MYEF2: variants seen among roughly 807,000 people sequenced by gnomAD.
The protein encoded by MYEF2 is myelin expression factor 2.
MYEF2 carries 37 observed loss-of-function variants against 75.2 expected under a neutral mutation model. The observed-to-expected ratio is 0.49, with a 90% CI of 0.38 to 0.65. MYEF2 has a LOEUF of 0.65. Ranked by LOEUF, MYEF2 falls within the 30% of genes least tolerant of loss-of-function variation. MYEF2 has a pLI of 0.00. For synonymous variants in MYEF2, 195 were observed against 241.6 expected (o/e 0.81, Z 1.79); for missense variants, 634 against 771.4 (o/e 0.82, Z 2.11).
chr15:48,167,476 C>G, intron 2 of MYEF2, 75 bp from the exon 3 acceptor site: 20 of 1,319,384 alleles, frequency 1.5e-5, no homozygotes, highest in Non-Finnish European at 2.0e-5. Flanking sequence ...TACTGCACAC[C>G]TGTGCACAAC....
chr15:48,159,069 T>A (rs2140883880), intron 6 of MYEF2, 147 bp from the exon 7 acceptor site: 2 of 697,930 alleles, frequency 2.9e-6, no homozygotes, highest in East Asian at 2.8e-5. Context: ...TTTTAAAACA[T>A]CTTCAGTTGC....
At position 48,149,413 on chromosome 15, in the gene MYEF2, G is replaced by A. The variant is rs190353587; in HGVS notation, c.1379-42C>T. 1.9e-6 allele frequency: 3 copies of A among 1,590,678 alleles called. No homozygotes were observed. The highest frequency in any genetic ancestry group is 3.4e-5 in the Admixed American group (2 of 59,472). The stretch of plus-strand genomic sequence containing the variant: ...GGACGGGGGGATTTGGGAATTTTGT[G>A]TTTTTGTTTCAAAAACATAAGGAAA... On this transcript the variant is annotated intron_variant, in intron 14 of 16. Coordinates refer to ENST00000324324, the MANE Select transcript of MYEF2 (RefSeq NM_016132.5). The surrounding 1 kb of genome is among the most constrained non-coding windows in gnomAD (Gnocchi z 4.0).
intron 5 of MYEF2, 84 bp from the exon 6 acceptor site, chr15:48,159,888 G>C: frequency 7.3e-7 from 1 of 1,370,838 alleles, no homozygotes; most frequent in Non-Finnish European, 1.0e-6. Flanking sequence ...TTCTACAGTA[G>C]CTATCCTGTC....
rs771122735 is a variant in MYEF2, at chr15:48,168,688, T to C, written c.313A>G (p.Ser105Gly). ...KGPNRNRVFI[S>G]NIPYDMKWQA... The stretch of plus-strand genomic sequence containing the variant: ...CATTTCATGTCATATGGGATGTTGC[T>C]AATGAAAACTCTGTTACGATTTGGA... The change falls in exon 2 of 17, where the codon AGC (serine) becomes GGC (glycine). Residue 105 changes from serine to glycine, a missense_variant. Ser to Gly is a moderately conservative substitution (Grantham distance 56). Transcript: ENST00000324324. The C allele has an allele frequency of 6.2e-7, 1 of 1,613,992 alleles. No individual in the cohort carries two copies. The highest frequency in any genetic ancestry group is 8.5e-7 in the Non-Finnish European group (1 of 1,179,886).
chr15:48,141,591 AC>A lies in MYEF2; in HGVS notation c.*1316del. 6.4e-6 allele frequency: 1 copy of A among 155,128 alleles called. No individual in the cohort carries two copies. The highest frequency in any genetic ancestry group is 1.4e-5 in the Non-Finnish European group (1 of 72,984). The allele number at this position is 155,128 out of a possible 1,614,324, so 9.6% of individuals were successfully genotyped here. On this transcript the variant is annotated 3_prime_UTR_variant, in exon 17 of 17. Transcript: ENST00000324324. Reference sequence around the variant, plus strand: ...CGAGACTGTGTCTCAAAAAACAAAAACCAAAAAAAAAAAAAAAAGTTTACTT... The same window carrying A: ...CGAGACTGTGTCTCAAAAAACAAAAACAAAAAAAAAAAAAAAAGTTTACTT...
intron 5 of MYEF2, among the ~76,000 whole-genome samples, chr15:48,160,837 A>G (rs961274292): frequency 6.6e-6 from 1 of 151,282 alleles, no homozygotes; most frequent in Non-Finnish European, 1.5e-5. Flanking sequence ...TCTGGCTTGC[A>G]ACATATTTCT....
chr15:48,136,498 A>T lies in MYEF2; in HGVS notation c.*6410T>A. ...AACAACACAGAAGTGTCCAGCTTTT[A>T]TCAATAAACATAATAATGCTGTAAT... On this transcript the variant is annotated 3_prime_UTR_variant, in exon 17 of 17. Coordinates refer to ENST00000324324, the MANE Select transcript of MYEF2 (RefSeq NM_016132.5). 2.1e-6 allele frequency: 1 copy of T among 474,022 alleles called. No individual in the cohort carries two copies. The highest frequency in any genetic ancestry group is 3.6e-6 in the Non-Finnish European group (1 of 281,466). The allele number at this position is 474,022 out of a possible 1,614,324, so 29.4% of individuals were successfully genotyped here.
chr15:48,138,903 A>C lies in MYEF2; in HGVS notation c.*4005T>G. On this transcript the variant is annotated 3_prime_UTR_variant, in exon 17 of 17. Coordinates refer to ENST00000324324, the MANE Select transcript of MYEF2 (RefSeq NM_016132.5). Reference sequence around the variant, plus strand: ...TAATTTATTTCAATATAACTTTCTAAATAGGCATTTCTAACTTAATTAGCC... The same window carrying C: ...TAATTTATTTCAATATAACTTTCTACATAGGCATTTCTAACTTAATTAGCC... 8.4e-7 allele frequency: 1 copy of C among 1,194,334 alleles called. No individual in the cohort carries two copies. The highest frequency in any genetic ancestry group is 1.2e-6 in the Non-Finnish European group (1 of 832,238). 74.0% of individuals were successfully genotyped at this position (1,194,334 alleles called of 1,614,324 possible).
intron 12 of MYEF2, 114 bp downstream of exon 12, chr15:48,151,760 C>T: frequency 7.8e-7 from 1 of 1,276,282 alleles, no homozygotes; most frequent in Non-Finnish European, 1.1e-6. Flanking sequence ...TCCCCTAGTG[C>T]CTATATGCCT....
chr15:48,168,958 C>A (rs1597350938), intron 1 of MYEF2, 119 bp from the exon 2 acceptor site: 1 of 726,982 alleles, frequency 1.4e-6, no homozygotes, highest in East Asian at 2.7e-5. Context: ...CTAAGCTAGA[C>A]CTCAGCAAAG....
intron 1 of MYEF2, among the ~76,000 whole-genome samples, chr15:48,170,352 C>G (rs920656717): frequency 6.6e-6 from 1 of 152,078 alleles, no homozygotes; most frequent in Non-Finnish European, 1.5e-5. Flanking sequence ...TCTCAAACTC[C>G]TGACCTCTGG....
Position 48,149,293 on chromosome 15 carries a change from C to G in MYEF2, c.1457G>C (p.Arg486Thr). The change falls in exon 15 of 17, where the codon AGA (arginine) becomes ACA (threonine). Residue 486 changes from arginine (R) to threonine (T), a missense_variant. Transcript: ENST00000324324. This position sits in a 1 kb window ranked among gnomAD's most constrained non-coding sequence, Gnocchi z 4.0. ...TATAGCTCCTATACCTGGTCCCATTCTATCAAAGCTGGAACTCATCCGGTC... is the reference window on the plus strand; with the variant it reads ...TATAGCTCCTATACCTGGTCCCATTGTATCAAAGCTGGAACTCATCCGGTC... ...GLDRMSSSFD[R>T]MGPGIGAILE... is the part of the protein sequence containing the mutation. 6.2e-7 allele frequency: 1 copy of G among 1,613,270 alleles called. No individual in the cohort carries two copies. The highest frequency in any genetic ancestry group is 8.5e-7 in the Non-Finnish European group (1 of 1,179,446).
chr15:48,143,663 C>T (rs548770553), intron 16 of MYEF2, among the ~76,000 whole-genome samples: 66 of 151,762 alleles, frequency 4.3e-4, no homozygotes, highest in African/African-American at 1.5e-3. Context: ...AAATATGCTA[C>T]GGAAATAGTC....
chr15:48,163,971 C>T (rs1352437008), intron 5 of MYEF2, among the ~76,000 whole-genome samples: 1 of 152,124 alleles, frequency 6.6e-6, no homozygotes, highest in Non-Finnish European at 1.5e-5. Flanking sequence ...AGAAGATATA[C>T]AAGAAGACTA....
intron 3 of MYEF2, 29 bp downstream of exon 3, chr15:48,167,320 T>G (rs1567270221): frequency 6.2e-7 from 1 of 1,609,966 alleles, no homozygotes; most frequent in Non-Finnish European, 8.5e-7. Flanking sequence ...CTTTTAAACC[T>G]CAAGCAGATT....
chr15:48,151,991 G>A, intron 11 of MYEF2, 49 bp from the exon 12 acceptor site: 1 of 1,563,482 alleles, frequency 6.4e-7, no homozygotes, highest in South Asian at 1.1e-5. Flanking sequence ...TCATGTAGCT[G>A]AAAGGTACGT....
rs370304544 is a variant in MYEF2, at chr15:48,143,080, T to C, written c.1640-9A>G. On this transcript the variant is annotated splice_polypyrimidine_tract_variant and intron_variant, in intron 16 of 16. Coordinates refer to ENST00000324324, the MANE Select transcript of MYEF2 (RefSeq NM_016132.5). The stretch of plus-strand genomic sequence containing the variant: ...TGCAAACATTACATGACCTGTAAAA[T>C]AAAAGTTACAGAATTACTAGTCAGT... The C allele has an allele frequency of 6.7e-7, 1 of 1,501,580 alleles. No individual in the cohort carries two copies. The highest frequency in any genetic ancestry group is 8.9e-7 in the Non-Finnish European group (1 of 1,127,000). The allele number at this position is 1,501,580 out of a possible 1,614,324, so 93.0% of individuals were successfully genotyped here.
intron 5 of MYEF2, 93 bp from the exon 6 acceptor site, chr15:48,159,897 T>C (rs942268180): frequency 7.6e-7 from 1 of 1,310,206 alleles, no homozygotes. Flanking sequence ...AGCTATCCTG[T>C]CTGGCTCAAA....
At position 48,178,061 on chromosome 15, in the gene MYEF2, G is replaced by T; in HGVS notation, c.161+16C>A. 1 of 1,590,932 alleles carries T rather than the reference G, an allele frequency of 6.3e-7. No individual in the cohort carries two copies. Among genetic ancestry groups the T allele is most frequent in the East Asian group, 2.3e-5 (1 of 43,154 alleles). On this transcript the variant is annotated intron_variant, in intron 1 of 16. Coordinates refer to ENST00000324324, the MANE Select transcript of MYEF2 (RefSeq NM_016132.5). ...GCCCCCCACCTCGCCCCGGTTCCCG[G>T]AGGAAAAGACAATACATTTTAACGC...
Sources: gnomAD v4.1 joint callset for allele counts (sites outside exome capture counted in the v4.1 genomes callset) on GRCh38, gnomAD v4.1.1 for gene constraint, Gnocchi (gnomAD v3.1) non-coding constraint, MANE v1.5 for transcripts, NCBI Gene and HGNC (gene_info 2026-07-23, HGNC 2026-07-21) for gene names.